Variants in ERBIN observed in about 807,000 individuals in gnomAD.
The protein encoded by ERBIN is erbb2 interacting protein, also known as densin-180-like protein.
ERBIN carries 60 observed loss-of-function variants against 158.4 expected under a neutral mutation model. The ratio of observed to expected loss-of-function variants is 0.38; its 90% CI spans 0.31 to 0.47. The LOEUF is 0.47. Ranked by LOEUF, ERBIN falls within the 20% of genes least tolerant of loss-of-function variation. The pLI is 0.99. For synonymous variants in ERBIN, 594 were observed against 557.2 expected, an observed-to-expected ratio of 1.07 and a Z score of -0.93; for missense variants, 1,610 against 1,648.0, an observed-to-expected ratio of 0.98 and a Z score of 0.40.
In ERBIN at chr5:66,025,882, A is replaced by G; in HGVS notation, c.925A>G (p.Asn309Asp). 1 of 1,567,112 alleles carries G rather than the reference A, an allele frequency of 6.4e-7. No homozygotes were observed. The highest frequency in any genetic ancestry group is 8.7e-7 in the Non-Finnish European group (1 of 1,152,732). The change falls in exon 12 of 26, where the codon AAT becomes GAT. Residue 309 changes from asparagine to aspartate, a missense_variant. By Grantham distance (23) the Asn-to-Asp change is conservative (BLOSUM62 1). Coordinates refer to ENST00000284037, the MANE Select transcript of ERBIN (RefSeq NM_001253697.2). The part of the protein sequence containing the change: ...ISVEELDCSF[N>D]EVEALPSSIG... ...AGTAGAAGAACTGGATTGTAGTTTC[A>G]ATGAAGTTGAAGCTTTGCCTTCATC... is the stretch of plus-strand genomic sequence containing the variant.
At chr5:66,059,749 G>C (rs975890732) in intron 21 of ERBIN, among the ~76,000 whole-genome samples, 7 of 152,226 alleles carry the variant, frequency 4.6e-5, no homozygotes, top group Middle Eastern at 3.4e-3. Flanking sequence ...TACCATGAAG[G>C]GTTGTTGAAT....
chr5:66,074,681 C>T (rs897784655), intron 22 of ERBIN, among the ~76,000 whole-genome samples: 1 of 151,916 alleles, frequency 6.6e-6, no homozygotes, highest in Admixed American at 6.6e-5. Context: ...ATACTATGTG[C>T]CATTTTAACA....
At position 66,050,804 on chromosome 5, in the gene ERBIN, C is replaced by T; in HGVS notation, c.1925C>T (p.Ser642Phe). The change falls in exon 20 of 26, where the codon TCT becomes TTT. Residue 642 changes from serine (S) to phenylalanine (F), a missense_variant. This residue lies in a region of ERBIN where 1,014 missense variants were observed against 936.1 expected (regional missense o/e 1.08). Coordinates refer to ENST00000284037, the MANE Select transcript of ERBIN (RefSeq NM_001253697.2). Reference sequence around the variant, plus strand: ...TCAGATGATACAAAGGAAACAGATTCTTTATCAGATGAAGTTACACACAAT... The same window carrying T: ...TCAGATGATACAAAGGAAACAGATTTTTTATCAGATGAAGTTACACACAAT... ...NKKDDTKETD[S>F]LSDEVTHNSN... 6.4e-7 allele frequency: 1 copy of T among 1,559,340 alleles called. No individual in the cohort carries two copies. Among genetic ancestry groups the T allele is most frequent in the African/African-American group, 1.4e-5 (1 of 71,520 alleles).
chr5:65,986,747 C>T (rs1751277604), intron 1 of ERBIN, among the ~76,000 whole-genome samples: 1 of 152,024 alleles, frequency 6.6e-6, no homozygotes, highest in African/African-American at 2.4e-5. Context: ...TCCCACATAC[C>T]AAGAAATCCA....
chr5:65,950,128 C>T (rs978882753), intron 1 of ERBIN, among the ~76,000 whole-genome samples: 3 of 152,182 alleles, frequency 2.0e-5, no homozygotes, highest in Admixed American at 6.5e-5. Flanking sequence ...GCCTCGGCCT[C>T]TTGAGTAGCT....
Position 66,075,088 on chromosome 5 carries a change from A to G in ERBIN, c.3821A>G (p.His1274Arg), listed in dbSNP as rs765532548. 164 of 1,614,090 alleles carry G rather than the reference A, an allele frequency of 1.0e-4. No homozygotes were observed. Among genetic ancestry groups the G allele is most frequent in the Non-Finnish European group, 1.0e-4 (120 of 1,180,042 alleles). Residue 1274 changes from histidine to arginine, a missense_variant, in exon 23 of 26, where the codon CAT (histidine) becomes CGT (arginine). Physicochemically the swap from His to Arg is conservative, Grantham distance 29. Around this residue, in one of 2 missense-constraint regions of ERBIN, gnomAD observed 1,014 missense variants for 936.1 expected, o/e 1.08. Coordinates refer to ENST00000284037, the MANE Select transcript of ERBIN (RefSeq NM_001253697.2). ...LRPQANYSQI[H>R]HPPQASVARH... ...CCTCAGGCAAATTATAGTCAAATAC[A>G]TCACCCCCCTCAGGCATCTGTGGCA...
intron 2 of ERBIN, among the ~76,000 whole-genome samples, chr5:65,991,102 T>C (rs1490933435): frequency 1.3e-5 from 2 of 152,194 alleles, no homozygotes; most frequent in Non-Finnish European, 2.9e-5. Flanking sequence ...ATACATATCT[T>C]ATTCTTTGTC....
intron 7 of ERBIN, among the ~76,000 whole-genome samples, chr5:66,019,030 A>T (rs1755394897): frequency 6.6e-6 from 1 of 152,154 alleles, no homozygotes; most frequent in African/African-American, 2.4e-5. Flanking sequence ...CCTGATTTTC[A>T]CATGCTGATT....
At chr5:65,986,195 C>G (rs1362172559) in intron 1 of ERBIN, among the ~76,000 whole-genome samples, 1 of 152,230 alleles carries the variant, frequency 6.6e-6, no homozygotes, top group East Asian at 1.9e-4. Flanking sequence ...TCCCACATCT[C>G]TGAATGCCTA....
At chr5:66,039,720 A>G (rs978802337) in intron 15 of ERBIN, among the ~76,000 whole-genome samples, 5 of 151,964 alleles carry the variant, frequency 3.3e-5, no homozygotes, top group Non-Finnish European at 7.4e-5. Flanking sequence ...ACATACTTCC[A>G]TATTTTATTG....
intron 1 of ERBIN, among the ~76,000 whole-genome samples, chr5:65,935,370 A>G (rs1054993849): frequency 6.0e-5 from 9 of 150,998 alleles, no homozygotes; most frequent in Non-Finnish European, 1.0e-4. Flanking sequence ...TCCCCTTTCC[A>G]TACTTGTAAC....
chr5:65,985,777 A>AG (rs1354995420), intron 1 of ERBIN, among the ~76,000 whole-genome samples: 7 of 152,148 alleles, frequency 4.6e-5, no homozygotes, highest in African/African-American at 1.7e-4. Context: ...TGTCGATTCT[A>AG]GTTCTTCTGT....
chr5:65,970,906 T>G (rs1387308161), intron 1 of ERBIN, among the ~76,000 whole-genome samples: 5 of 152,192 alleles, frequency 3.3e-5, no homozygotes, highest in African/African-American at 1.2e-4. Context: ...AATTAGAAAC[T>G]CCTTGAGGCA....
intron 1 of ERBIN, among the ~76,000 whole-genome samples, chr5:65,962,247 G>A (rs1748005154): frequency 6.6e-6 from 1 of 152,154 alleles, no homozygotes; most frequent in African/African-American, 2.4e-5. Context: ...TATATAAAAT[G>A]TGTTTGATTA....
At chr5:66,019,693 T>G (rs1755484101) in intron 7 of ERBIN, among the ~76,000 whole-genome samples, 1 of 152,188 alleles carries the variant, frequency 6.6e-6, no homozygotes, top group Non-Finnish European at 1.5e-5. Context: ...TTCCTAAAAT[T>G]GTTTTAAAAT....
intron 21 of ERBIN, among the ~76,000 whole-genome samples, chr5:66,060,383 ATAT>A (rs1253031012): frequency 1.3e-5 from 2 of 152,110 alleles, no homozygotes; most frequent in African/African-American, 4.8e-5. Flanking sequence ...ATTGGTGGTG[ATAT>A]GCCCTTTGTC....
chr5:65,954,215 C>G (rs970245571), intron 1 of ERBIN, among the ~76,000 whole-genome samples: 1 of 152,026 alleles, frequency 6.6e-6, no homozygotes. Context: ...AGATTGTTCT[C>G]GAGAGTAATA....
chr5:65,965,918 C>T (rs1376224437), intron 1 of ERBIN, among the ~76,000 whole-genome samples: 2 of 152,176 alleles, frequency 1.3e-5, no homozygotes, highest in Non-Finnish European at 2.9e-5. Context: ...CTTGATAAAT[C>T]CATGGGATCA....
chr5:66,008,299 G>T (rs1753835942), intron 4 of ERBIN, among the ~76,000 whole-genome samples: 1 of 152,050 alleles, frequency 6.6e-6, no homozygotes, highest in African/African-American at 2.4e-5. Context: ...GGCGCCTATA[G>T]TCCCAGCTAC....
Sources: gnomAD v4.1 joint callset for allele counts (sites outside exome capture counted in the v4.1 genomes callset) on GRCh38, gnomAD v4.1.1 for gene constraint, gnomAD v4.1.1 regional missense constraint, MANE v1.5 for transcripts, NCBI Gene and HGNC (gene_info 2026-07-23, HGNC 2026-07-21) for gene names.